Variants in HPSE2 observed in about 807,000 individuals in gnomAD.
The protein encoded by HPSE2 is inactive heparanase-2.
HPSE2 carries 38 observed loss-of-function variants against 60.5 expected under a neutral mutation model. That is an observed-to-expected ratio of 0.63 (90% CI 0.48 to 0.82). The LOEUF (loss-of-function observed/expected upper bound fraction) is 0.82, where lower values mean the gene tolerates loss of function less well. Among genes scored for constraint, HPSE2 ranks in the 40% least tolerant of loss-of-function variants. The probability of loss-of-function intolerance (pLI) is 0.00; values close to 1 mark genes in which losing one functional copy is unlikely to be tolerated. For synonymous variants in HPSE2, 295 were observed against 293.2 expected (o/e 1.01, Z -0.06); for missense variants, 713 against 740.4 (o/e 0.96, Z 0.43).
chr10:98,695,931 T>C (rs79912557), intron 5 of HPSE2, among the ~76,000 whole-genome samples: 1,582 of 152,080 alleles, frequency 0.01, 12 homozygotes, highest in Non-Finnish European at 0.018. Context: ...AGCTCTTAAA[T>C]GAATAGAAGG....
chr10:98,605,539 T>A (rs1230144045), intron 9 of HPSE2, among the ~76,000 whole-genome samples: 4 of 152,170 alleles, frequency 2.6e-5, no homozygotes, highest in African/African-American at 9.7e-5. Flanking sequence ...TTTCAAAGTC[T>A]GATGACAGGT....
At chr10:99,079,858 G>A (rs527905490) in intron 3 of HPSE2, among the ~76,000 whole-genome samples, 1 of 152,234 alleles carries the variant, frequency 6.6e-6, no homozygotes, top group African/African-American at 2.4e-5. Flanking sequence ...AGCACTCCAA[G>A]ACACTCAAGA....
At chr10:99,218,423 T>G (rs748464369) in intron 2 of HPSE2, among the ~76,000 whole-genome samples, 12 of 152,148 alleles carry the variant, frequency 7.9e-5, no homozygotes, top group African/African-American at 1.2e-4. Context: ...TGATTCTTGA[T>G]ACACACCACA....
chr10:98,521,365 CA>C (rs1942787573), intron 9 of HPSE2, among the ~76,000 whole-genome samples: 1 of 152,110 alleles, frequency 6.6e-6, no homozygotes, highest in Admixed American at 6.5e-5. Flanking sequence ...TTTATGCAGC[CA>C]ACAGACACAT....
chr10:98,611,098 G>A (rs952420669), intron 9 of HPSE2, among the ~76,000 whole-genome samples: 2 of 152,182 alleles, frequency 1.3e-5, no homozygotes, highest in African/African-American at 2.4e-5. Flanking sequence ...TGTTGGGGGG[G>A]GCCAGGGGAA....
chr10:99,186,129 C>CACACACACACACAT (rs765362635), intron 2 of HPSE2, among the ~76,000 whole-genome samples: 37,115 of 141,484 alleles, frequency 0.26, 6,433 homozygotes, highest in Non-Finnish European at 0.38. Flanking sequence ...CACACACACA[C>CACACACACACACAT]ACACACACAC....
At chr10:98,617,391 G>C (rs985065681) in intron 8 of HPSE2, among the ~76,000 whole-genome samples, 3 of 152,140 alleles carry the variant, frequency 2.0e-5, no homozygotes, top group African/African-American at 7.2e-5. Context: ...GCTTAGCTTA[G>C]TGACCTGCAT....
intron 3 of HPSE2, among the ~76,000 whole-genome samples, chr10:98,988,095 A>C (rs1956417150): frequency 6.6e-6 from 1 of 152,242 alleles, no homozygotes; most frequent in Non-Finnish European, 1.5e-5. Context: ...ATTCAATGCC[A>C]TCCCCATCAA....
At chr10:98,750,040 G>T (rs917879049) in intron 3 of HPSE2, among the ~76,000 whole-genome samples, 4 of 150,960 alleles carry the variant, frequency 2.6e-5, no homozygotes, top group Admixed American at 2.0e-4. Context: ...TGGCTGGCAG[G>T]AGAAGTAAAG....
At chr10:98,596,190 T>C (rs1334387533) in intron 9 of HPSE2, among the ~76,000 whole-genome samples, 2 of 152,188 alleles carry the variant, frequency 1.3e-5, no homozygotes, top group African/African-American at 4.8e-5. Context: ...TTATCTGGCT[T>C]TGGTATTAGA....
chr10:98,855,085 C>T (rs1471912198), intron 3 of HPSE2, among the ~76,000 whole-genome samples: 1 of 152,164 alleles, frequency 6.6e-6, no homozygotes, highest in African/African-American at 2.4e-5. Flanking sequence ...ATTCTACAGA[C>T]AGGCACCTCC....
intron 6 of HPSE2, among the ~76,000 whole-genome samples, chr10:98,647,420 G>A (rs1946801066): frequency 6.6e-6 from 1 of 152,100 alleles, no homozygotes; most frequent in African/African-American, 2.4e-5. Flanking sequence ...GCATTAGTGC[G>A]GGCTTCCCAG....
In HPSE2 at chr10:99,176,262, G is replaced by A. The variant is rs192249296; in HGVS notation, c.449-31863C>T. On this transcript the variant is annotated intron_variant, in intron 2 of 11. Coordinates refer to ENST00000370552, the MANE Select transcript of HPSE2 (RefSeq NM_021828.5). ...TCCAGCAAGGAAACAAAACTGGATG[G>A]AGAATGAGTTTGACAAACTGACAGA... Among the ~76,000 whole-genome samples, 285 of 152,226 alleles carry A rather than the reference G, an allele frequency of 1.9e-3. 2 individuals carry two copies. Among genetic ancestry groups the A allele is most frequent in the African/African-American group, 6.7e-3 (280 of 41,530 alleles).
chr10:99,205,105 G>C (rs1403125053), intron 2 of HPSE2, among the ~76,000 whole-genome samples: 1 of 152,174 alleles, frequency 6.6e-6, no homozygotes, highest in Non-Finnish European at 1.5e-5. Context: ...GAAGGTAGGA[G>C]GGAAGCAAGG....
the HPSE2 span, among the ~76,000 whole-genome samples, chr10:99,306,860 G>A: frequency 2.6e-5 from 4 of 152,018 alleles, no homozygotes; most frequent in Non-Finnish European, 4.4e-5. Flanking sequence ...ACAGGCATGC[G>A]GCACCATGCC....
In HPSE2 at chr10:99,042,684, TCTCTGCCACTGC is replaced by T. The variant is rs1957767903; in HGVS notation, c.610+101542_610+101553del. 2.6e-5 allele frequency among the ~76,000 whole-genome samples: 4 copies of T among 151,714 alleles called. No individual in the cohort carries two copies. The South Asian group carries it at 8.3e-4, about 32-fold the overall frequency. On this transcript the variant is annotated intron_variant, in intron 3 of 11. Transcript: ENST00000370552. Reference sequence around the variant, plus strand: ...GGCCCACCGAGAAAGGTGTGGCTTATCTCTGCCACTGCCTCTGCCAGAGAGAGCCCCGTGGCC... The same window carrying T: ...GGCCCACCGAGAAAGGTGTGGCTTATCTCTGCCAGAGAGAGCCCCGTGGCC...
chr10:98,723,494 G>T (rs187105857), intron 4 of HPSE2, among the ~76,000 whole-genome samples: 50 of 152,204 alleles, frequency 3.3e-4, no homozygotes, highest in Middle Eastern at 3.4e-3. Context: ...GAGTTAGGGA[G>T]GATTCCCTCT....
At chr10:98,781,013 A>C (rs1950453032) in intron 3 of HPSE2, among the ~76,000 whole-genome samples, 1 of 151,950 alleles carries the variant, frequency 6.6e-6, no homozygotes, top group African/African-American at 2.4e-5. Context: ...ATCTACCTTT[A>C]TCTCTTTCTG....
At chr10:99,014,934 C>T (rs184566725) in intron 3 of HPSE2, among the ~76,000 whole-genome samples, 126 of 152,150 alleles carry the variant, frequency 8.3e-4, no homozygotes, top group Middle Eastern at 3.4e-3. Flanking sequence ...TGACAAAGGG[C>T]TAATATCCAG....
Sources: allele counts gnomAD v4.1 joint callset (sites outside exome capture counted in the v4.1 genomes callset), GRCh38; gene constraint gnomAD v4.1.1; transcripts MANE v1.5; gene names NCBI Gene and HGNC (gene_info 2026-07-23, HGNC 2026-07-21).